The following ABCA6 variants were observed in gnomAD, a reference collection of about 807,000 sequenced individuals.
The protein encoded by ABCA6 is ATP binding cassette subfamily A member 6.
A neutral mutation model predicts 191.2 loss-of-function variants in ABCA6; 164 were observed. That is an observed-to-expected ratio of 0.86 (90% confidence interval 0.76 to 0.98). The LOEUF is 0.98. Among genes scored for constraint, ABCA6 ranks in the 50% least tolerant of loss-of-function variants. The probability of loss-of-function intolerance (pLI) is 0.00; values close to 1 mark genes in which losing one functional copy is unlikely to be tolerated. For missense variants in ABCA6, 1,958 were observed against 1,894.1 expected, an observed-to-expected ratio of 1.03 and a Z score of -0.63; for synonymous variants, 636 against 647.7, an observed-to-expected ratio of 0.98 and a Z score of 0.27.
chr17:69,088,350 T>A, intron 27 of ABCA6, 92 bp from the exon 28 acceptor site: 1 of 985,446 alleles, frequency 1.0e-6, no homozygotes, highest in Non-Finnish European at 1.5e-6. Flanking sequence ...TGTCTTTGGG[T>A]AAATAGTTGT....
chr17:69,119,561 GAA>G (rs944412690), intron 10 of ABCA6, among the ~76,000 whole-genome samples: 55 of 152,058 alleles, frequency 3.6e-4, no homozygotes, highest in African/African-American at 1.3e-3. Context: ...GCCTCAGAGG[GAA>G]AGTCAAGGCT....
chr17:69,138,693 C>A (rs980771646), intron 2 of ABCA6, among the ~76,000 whole-genome samples: 4 of 151,340 alleles, frequency 2.6e-5, no homozygotes, highest in African/African-American at 9.7e-5. Flanking sequence ...TGACTTCAAA[C>A]TATACTACAA....
In ABCA6 at chr17:69,134,662, C is replaced by T; in HGVS notation, c.541G>A (p.Ala181Thr). 6.2e-7 allele frequency: 1 copy of T among 1,613,198 alleles called. No individual in the cohort carries two copies. The highest frequency in any genetic ancestry group is 8.5e-7 in the Non-Finnish European group (1 of 1,179,592). ...WNRGFVALQT[A>T]INTAIIEITT... ...ACTTCTATAATGGCAGTATTAATAG[C>T]TGTTTGTAAAGCCACAAATCCTCTA... The change falls in exon 5 of 39, where the codon GCT becomes ACT. Residue 181 changes from alanine to threonine, a missense_variant. Coordinates refer to ENST00000284425, the MANE Select transcript of ABCA6 (RefSeq NM_080284.3).
In ABCA6 at chr17:69,091,149, CA is replaced by C; in HGVS notation, c.3521del (p.Leu1174TrpfsTer3). On this transcript the variant is annotated frameshift_variant, in exon 26 of 39. Transcript: ENST00000284425. LOFTEE classifies it high-confidence loss of function. ...AGTTGGTAACATTTCTTACCACTTCCAAAAAAGTTTTAAATCCAAGCAAGGT... is the reference window on the plus strand; with the variant it reads ...AGTTGGTAACATTTCTTACCACTTCCAAAAAGTTTTAAATCCAAGCAAGGT... Reference protein sequence around the residue: ...SYTLLGFKTFLEVRDQEHYRE... With the variant: ...SYTLLGFKTFXEVRDQEHYRE... 2 of 1,606,492 alleles carry C rather than the reference CA, an allele frequency of 1.2e-6. No individual in the cohort carries two copies. The highest frequency in any genetic ancestry group is 1.7e-6 in the Non-Finnish European group (2 of 1,177,642).
At chr17:69,134,770 A>AGGG in intron 4 of ABCA6, 28 bp from the exon 5 acceptor site, 6 of 1,472,502 alleles carry the variant, frequency 4.1e-6, no homozygotes, top group African/African-American at 1.4e-5. Context: ...AGCACAGCCA[A>AGGG]CATTATGGGA....
At chr17:69,134,768 C>T in intron 4 of ABCA6, 26 bp from the exon 5 acceptor site, 1 of 1,506,220 alleles carries the variant, frequency 6.6e-7, no homozygotes, top group Non-Finnish European at 9.2e-7. Context: ...AAAGCACAGC[C>T]AACATTATGG....
chr17:69,116,228 A>G (rs2073536620), intron 11 of ABCA6, among the ~76,000 whole-genome samples: 1 of 152,104 alleles, frequency 6.6e-6, no homozygotes, highest in Admixed American at 6.6e-5. Flanking sequence ...CAGTAACTGG[A>G]AAAATTAAAT....
chr17:69,119,157 T>G (rs2073592848), intron 10 of ABCA6, among the ~76,000 whole-genome samples: 1 of 152,118 alleles, frequency 6.6e-6, no homozygotes. Context: ...TGGGATATTT[T>G]AAATGTTCTT....
intron 6 of ABCA6, among the ~76,000 whole-genome samples, chr17:69,131,680 A>T (rs1210568732): frequency 6.6e-6 from 1 of 152,204 alleles, no homozygotes; most frequent in Non-Finnish European, 1.5e-5. Flanking sequence ...TCCACTAGAT[A>T]GCCTGCACTT....
chr17:69,124,797 A>C, intron 9 of ABCA6, 91 bp downstream of exon 9: 2 of 673,122 alleles, frequency 3.0e-6, no homozygotes, highest in South Asian at 6.7e-5. Flanking sequence ...GAAATATTTA[A>C]TATTCATTTT....
At chr17:69,119,881 TAAATA>T (rs1049343890) in intron 10 of ABCA6, among the ~76,000 whole-genome samples, 1 of 152,052 alleles carries the variant, frequency 6.6e-6, no homozygotes, top group African/African-American at 2.4e-5. Flanking sequence ...TCAGAAAAGA[TAAATA>T]AAAGTGGTAG....
Position 69,106,256 on chromosome 17 carries a change from G to A in ABCA6, c.2390-45C>T, listed in dbSNP as rs368620990. 7.8e-6 allele frequency: 12 copies of A among 1,537,932 alleles called. No individual in the cohort carries two copies. The African/African-American group carries it at 1.7e-4, about 21-fold the overall frequency. ...CAAACACACATATTATAATATTAAT[G>A]CCATCCTGGAGGCATCACAGATTTT... is the stretch of plus-strand genomic sequence containing the variant. On this transcript the variant is annotated intron_variant, in intron 18 of 38. Coordinates refer to ENST00000284425, the MANE Select transcript of ABCA6 (RefSeq NM_080284.3).
At chr17:69,134,476 C>T (rs1230471988) in intron 5 of ABCA6, among the ~76,000 whole-genome samples, 163 bp downstream of exon 5, 1 of 152,200 alleles carries the variant, frequency 6.6e-6, no homozygotes, top group African/African-American at 2.4e-5. Context: ...TCTTGCACTT[C>T]TCAGCCTCCA....
chr17:69,098,625 C>CAAAAAAAAAAAAAAAAAAAAAAA (rs59031335), intron 22 of ABCA6: 1 of 46,350 alleles, frequency 2.2e-5, no homozygotes, highest in Non-Finnish European at 4.0e-5. Context: ...AACTCGGTCT[C>CAAAAAAAAAAAAAAAAAAAAAAA]AAAAAAAAAA....
Position 69,127,414 on chromosome 17 carries a change from A to G in ABCA6, c.1119+1205T>C, listed in dbSNP as rs189016291. 1.0e-3 allele frequency among the ~76,000 whole-genome samples: 153 copies of G among 152,268 alleles called. 1 individual carries two copies. Among genetic ancestry groups the G allele is most frequent in the African/African-American group, 3.5e-3 (147 of 41,568 alleles). On this transcript the variant is annotated intron_variant, in intron 8 of 38. Transcript: ENST00000284425. The stretch of plus-strand genomic sequence containing the variant: ...TTCAACATGTATAAGGAATTATCAT[A>G]AAGCAATTGGGAGAAGATAGAAAAC...
chr17:69,134,862 T>C (rs1235513095), intron 4 of ABCA6, 120 bp from the exon 5 acceptor site: 3 of 666,716 alleles, frequency 4.5e-6, no homozygotes, highest in Non-Finnish European at 7.7e-6. Context: ...TTTTTGGTGG[T>C]GGTGTTTCGT....
At position 69,079,210 on chromosome 17, in the gene ABCA6, C is replaced by T; in HGVS notation, c.4752G>A (p.Lys1584=). The part of the protein sequence containing the change: ...EYSLSQCTLE[K]VFLELSKEQE... The stretch of plus-strand genomic sequence containing the variant: ...TACAAAGTCAAACCACTTGACTTAC[C>T]TTCTCCAGTGTGCACTGAGAAAGGC... The change falls in exon 38 of 39, where the codon AAG becomes AAA. Residue 1584 remains lysine, a splice_region_variant and synonymous_variant. Transcript: ENST00000284425. 1.2e-6 allele frequency: 2 copies of T among 1,608,732 alleles called. No homozygotes were observed. Among genetic ancestry groups the T allele is most frequent in the Non-Finnish European group, 1.7e-6 (2 of 1,177,392 alleles).
intron 14 of ABCA6, 102 bp from the exon 15 acceptor site, chr17:69,113,462 A>T: frequency 1.3e-6 from 2 of 1,518,482 alleles, no homozygotes; most frequent in Non-Finnish European, 1.8e-6. Flanking sequence ...ATAACCATCC[A>T]GCCATTTTTC....
Position 69,137,400 on chromosome 17 carries a change from C to T in ABCA6, c.197G>A (p.Arg66Lys), listed in dbSNP as rs2073966545. 5 of 1,613,636 alleles carry T rather than the reference C, an allele frequency of 3.1e-6. No individual in the cohort carries two copies. The African/African-American group carries it at 5.3e-5, about 17-fold the overall frequency. Residue 66 changes from arginine (R) to lysine (K), a missense_variant, in exon 3 of 39, where the codon AGG becomes AAG. Arg to Lys is a conservative substitution (Grantham distance 26). Coordinates refer to ENST00000284425, the MANE Select transcript of ABCA6 (RefSeq NM_080284.3). ...AGAAGAGCTATTAAATTTATCTACC[C>T]TTCCCAGATTCTGAGGAGCCATTCC... Reference protein sequence around the residue: ...FPGMAPQNLGRVDKFNSSSLM... With the variant: ...FPGMAPQNLGKVDKFNSSSLM...
Sources: allele counts gnomAD v4.1 joint callset (sites outside exome capture counted in the v4.1 genomes callset), GRCh38; gene constraint gnomAD v4.1.1; transcripts MANE v1.5; gene names NCBI Gene and HGNC (gene_info 2026-07-23, HGNC 2026-07-21).